Variants in ICOS observed in about 807,000 individuals in gnomAD.
ICOS encodes the protein inducible T-cell costimulator.
A neutral mutation model predicts 24.6 loss-of-function variants in ICOS; 15 were observed. The observed-to-expected ratio is 0.61, with a 90% CI of 0.41 to 0.94. The LOEUF (loss-of-function observed/expected upper bound fraction) is 0.94, where lower values mean the gene tolerates loss of function less well. Ranked by LOEUF, ICOS falls within the 40% of genes least tolerant of loss-of-function variation. The pLI, the probability that ICOS is intolerant of heterozygous loss-of-function variation, is 0.00. For synonymous variants in ICOS, 89 were observed against 77.5 expected (o/e 1.15, Z -0.78); for missense variants, 200 against 233.0 (o/e 0.86, Z 0.92).
intron 1 of ICOS, among the ~76,000 whole-genome samples, chr2:203,949,822 C>A (rs569678978): frequency 1.3e-5 from 2 of 152,230 alleles, no homozygotes; most frequent in Middle Eastern, 6.8e-3. Context: ...CCAATCAGAG[C>A]AGACACTATC....
At chr2:203,939,020 C>T (rs1278674163) in intron 1 of ICOS, among the ~76,000 whole-genome samples, 1 of 152,200 alleles carries the variant, frequency 6.6e-6, no homozygotes, top group Non-Finnish European at 1.5e-5. Context: ...TAAGTACTTG[C>T]TTGTCCTCTG....
In ICOS at chr2:203,956,639, T is replaced by C; in HGVS notation, c.395-20T>C. The C allele has an allele frequency of 6.4e-7, 1 of 1,554,312 alleles. No individual in the cohort carries two copies. Among genetic ancestry groups the C allele is most frequent in the Non-Finnish European group, 8.9e-7 (1 of 1,125,394 alleles). ...GGTTCAGCAGAATTTTTCATTAACATACCTTTTTTTCCAATCCAGAATCAC... is the reference window on the plus strand; with the variant it reads ...GGTTCAGCAGAATTTTTCATTAACACACCTTTTTTTCCAATCCAGAATCAC... On this transcript the variant is annotated intron_variant, in intron 2 of 4. Transcript: ENST00000316386.
At chr2:203,952,787 A>G (rs1690008320) in intron 1 of ICOS, among the ~76,000 whole-genome samples, 1 of 152,140 alleles carries the variant, frequency 6.6e-6, no homozygotes, top group South Asian at 2.1e-4. Flanking sequence ...AAACATAATA[A>G]GCTTAATTAC....
At chr2:203,953,336 T>C (rs1370861614) in intron 1 of ICOS, among the ~76,000 whole-genome samples, 1 of 152,230 alleles carries the variant, frequency 6.6e-6, no homozygotes, top group Non-Finnish European at 1.5e-5. Flanking sequence ...AAATTTAGCC[T>C]GGTAATTTCT....
intron 4 of ICOS, 114 bp downstream of exon 4, chr2:203,957,997 T>G (rs1690108350): frequency 1.5e-6 from 1 of 656,032 alleles, no homozygotes; most frequent in East Asian, 2.8e-5. Flanking sequence ...CAAGGCCTAA[T>G]TCTAGAATTT....
chr2:203,957,215 A>G (rs1421206438), intron 3 of ICOS, among the ~76,000 whole-genome samples: 3 of 152,242 alleles, frequency 2.0e-5, no homozygotes, highest in Non-Finnish European at 4.4e-5. Flanking sequence ...AAAAACAGTC[A>G]GCAAGAAAGC....
chr2:203,947,777 C>T (rs1215880758), intron 1 of ICOS, among the ~76,000 whole-genome samples: 1 of 152,052 alleles, frequency 6.6e-6, no homozygotes, highest in East Asian at 1.9e-4. Context: ...CAAAACAAAA[C>T]CTCATGTTTA....
At chr2:203,941,028 C>CCCGCCTCCGCCT (rs1270395455) in intron 1 of ICOS, among the ~76,000 whole-genome samples, 1 of 149,856 alleles carries the variant, frequency 6.7e-6, no homozygotes, top group East Asian at 1.9e-4. Flanking sequence ...TCGTGATCCG[C>CCCGCCTCCGCCT]CCACCTCCGC....
chr2:203,943,351 C>T (rs1169074512), intron 1 of ICOS, among the ~76,000 whole-genome samples: 2 of 151,092 alleles, frequency 1.3e-5, no homozygotes, highest in Admixed American at 6.6e-5. Flanking sequence ...ATGGAGTGTT[C>T]CCTTGATATC....
At chr2:203,957,947 A>ATTTTT in intron 4 of ICOS, 64 bp downstream of exon 4, 1 of 784,648 alleles carries the variant, frequency 1.3e-6, no homozygotes, top group South Asian at 1.8e-5. Flanking sequence ...TGGAATGTTA[A>ATTTTT]TTTTTTTTTT....
chr2:203,952,147 G>A (rs925978471), intron 1 of ICOS, among the ~76,000 whole-genome samples: 1 of 151,472 alleles, frequency 6.6e-6, no homozygotes, highest in African/African-American at 2.4e-5. Context: ...AAGACTGTCA[G>A]CACCCCTATT....
At chr2:203,937,280 A>G (rs1042117109) in intron 1 of ICOS, among the ~76,000 whole-genome samples, 8 of 152,178 alleles carry the variant, frequency 5.3e-5, no homozygotes, top group African/African-American at 9.7e-5. Flanking sequence ...ATAAAATGGG[A>G]AGTCTTTGAA....
intron 1 of ICOS, among the ~76,000 whole-genome samples, chr2:203,945,694 A>G (rs1689855304): frequency 6.6e-6 from 1 of 152,178 alleles, no homozygotes; most frequent in African/African-American, 2.4e-5. Flanking sequence ...CATAAAAGGG[A>G]CATTAAAAAT....
At position 203,959,706 on chromosome 2, in the gene ICOS, T is replaced by C. The variant is rs1033077768; in HGVS notation, c.*107T>C. 7 of 972,696 alleles carry C rather than the reference T, an allele frequency of 7.2e-6. No homozygotes were observed. Among genetic ancestry groups the C allele is most frequent in the Admixed American group, 1.7e-5 (1 of 58,192 alleles). The allele number at this position is 972,696 out of a possible 1,614,324, so 60.3% of individuals were successfully genotyped here. ...CCACGGAGAGTCTGACTTAACTACA[T>C]ACATCTTCTGCTGGTGTTTTGTTCA... On this transcript the variant is annotated 3_prime_UTR_variant, in exon 5 of 5. Transcript: ENST00000316386.
chr2:203,940,543 G>A (rs1689748202), intron 1 of ICOS, among the ~76,000 whole-genome samples: 1 of 152,002 alleles, frequency 6.6e-6, no homozygotes. Flanking sequence ...TATCTTTCCT[G>A]GGAATAGGAG....
intron 4 of ICOS, among the ~76,000 whole-genome samples, chr2:203,958,259 G>A (rs1019843098): frequency 6.6e-6 from 1 of 152,184 alleles, no homozygotes; most frequent in African/African-American, 2.4e-5. Context: ...GTGAGTTACT[G>A]AGTGAGGCAC....
intron 1 of ICOS, among the ~76,000 whole-genome samples, chr2:203,944,465 G>A (rs991832785): frequency 1.3e-5 from 2 of 152,146 alleles, no homozygotes; most frequent in African/African-American, 2.4e-5. Context: ...TCCCTTTCCC[G>A]TGAGTCTTTT....
chr2:203,959,375 C>T (rs970792836), intron 4 of ICOS, among the ~76,000 whole-genome samples: 8 of 151,896 alleles, frequency 5.3e-5, no homozygotes, highest in African/African-American at 1.7e-4. Context: ...TTATAGGAGT[C>T]GAGAGCTAAA....
At chr2:203,956,084 A>T in intron 2 of ICOS, 113 bp downstream of exon 2, 1 of 704,342 alleles carries the variant, frequency 1.4e-6, no homozygotes, top group South Asian at 1.8e-5. Context: ...GAGTTCACTT[A>T]GATGCAGTTG....
Sources: gnomAD v4.1 joint callset for allele counts (sites outside exome capture counted in the v4.1 genomes callset) on GRCh38, gnomAD v4.1.1 for gene constraint, MANE v1.5 for transcripts, NCBI Gene and HGNC (gene_info 2026-07-23, HGNC 2026-07-21) for gene names.